Variants in ATAD1 observed in about 807,000 individuals in gnomAD.
ATAD1 encodes the protein outer mitochondrial transmembrane helix translocase.
In ATAD1, 18 loss-of-function variants were observed where a neutral mutation model predicts 42.7. The observed-to-expected ratio is 0.42, with a 90% CI of 0.29 to 0.63. The LOEUF (loss-of-function observed/expected upper bound fraction) is 0.63. ATAD1 is among the 20% of genes least tolerant of loss of function. The pLI is 0.19. For synonymous variants in ATAD1, 132 were observed against 143.1 expected, an observed-to-expected ratio of 0.92 and a Z score of 0.55; for missense variants, 294 against 440.4, an observed-to-expected ratio of 0.67 and a Z score of 2.98.
chr10:87,827,338 G>A (rs1417654708), intron 1 of ATAD1, among the ~76,000 whole-genome samples: 1 of 152,086 alleles, frequency 6.6e-6, no homozygotes, highest in African/African-American at 2.4e-5. Context: ...GCCTTTCTGG[G>A]TTTCCTCCTC....
chr10:87,781,107 G>T (rs931774052), intron 5 of ATAD1, among the ~76,000 whole-genome samples: 2 of 151,742 alleles, frequency 1.3e-5, no homozygotes, highest in Admixed American at 1.3e-4. Flanking sequence ...ATCTTCTTAG[G>T]CAAAAAAGAA....
chr10:87,828,964 G>C (rs1022131519), intron 1 of ATAD1, among the ~76,000 whole-genome samples: 3 of 152,142 alleles, frequency 2.0e-5, no homozygotes, highest in African/African-American at 7.2e-5. Context: ...AGAAATAAAT[G>C]ATTCATTTCA....
chr10:87,840,485 T>C (rs1214330380), intron 1 of ATAD1, among the ~76,000 whole-genome samples: 1 of 152,032 alleles, frequency 6.6e-6, no homozygotes, highest in Non-Finnish European at 1.5e-5. Flanking sequence ...ACCCTATCTC[T>C]GAAAAAGAAA....
intron 8 of ATAD1, among the ~76,000 whole-genome samples, chr10:87,765,765 C>T (rs1436337866): frequency 6.6e-6 from 1 of 152,160 alleles, no homozygotes; most frequent in African/African-American, 2.4e-5. Context: ...TGTGGTGGTT[C>T]ATGCCTATAA....
chr10:87,810,476 A>AT (rs1857128579), intron 2 of ATAD1, among the ~76,000 whole-genome samples: 1 of 151,946 alleles, frequency 6.6e-6, no homozygotes, highest in Non-Finnish European at 1.5e-5. Context: ...GGAGATGTCC[A>AT]TTTTTCCCTG....
chr10:87,810,656 A>C (rs1042141107), intron 2 of ATAD1, among the ~76,000 whole-genome samples: 4 of 152,090 alleles, frequency 2.6e-5, no homozygotes, highest in African/African-American at 9.7e-5. Context: ...TTTTCTTCTT[A>C]TATTTGTGTG....
chr10:87,802,405 C>T (rs1225341904), intron 2 of ATAD1, among the ~76,000 whole-genome samples: 1 of 152,156 alleles, frequency 6.6e-6, no homozygotes, highest in East Asian at 1.9e-4. Context: ...GAGGAATTCA[C>T]CCAATTCACA....
intron 4 of ATAD1, among the ~76,000 whole-genome samples, chr10:87,789,492 A>G (rs1262494825): frequency 6.6e-6 from 1 of 152,186 alleles, no homozygotes; most frequent in African/African-American, 2.4e-5. Flanking sequence ...AGGCCAACGC[A>G]GGTGAAGAAC....
At chr10:87,834,595 T>C (rs1857897080) in intron 1 of ATAD1, among the ~76,000 whole-genome samples, 1 of 152,198 alleles carries the variant, frequency 6.6e-6, no homozygotes, top group Non-Finnish European at 1.5e-5. Flanking sequence ...TCCTTATTTT[T>C]AGAATACCAT....
intron 7 of ATAD1, among the ~76,000 whole-genome samples, chr10:87,768,529 GAA>G (rs1487345020): frequency 6.6e-6 from 1 of 152,068 alleles, no homozygotes; most frequent in Non-Finnish European, 1.5e-5. Flanking sequence ...TTCACTTGGA[GAA>G]AAGTTTTAAG....
At chr10:87,793,960 G>C (rs1856253913) in intron 2 of ATAD1, among the ~76,000 whole-genome samples, 1 of 151,996 alleles carries the variant, frequency 6.6e-6, no homozygotes, top group Admixed American at 6.6e-5. Context: ...ATGGGGGCCA[G>C]GAATGGGGGC....
At chr10:87,801,807 T>C (rs933106730) in intron 2 of ATAD1, among the ~76,000 whole-genome samples, 8 of 152,174 alleles carry the variant, frequency 5.3e-5, no homozygotes, top group Non-Finnish European at 1.2e-4. Context: ...TGATTGGAGA[T>C]TGTGACATCA....
At chr10:87,783,910 A>T (rs2131882299) in intron 5 of ATAD1, among the ~76,000 whole-genome samples, 1 of 152,088 alleles carries the variant, frequency 6.6e-6, no homozygotes, top group East Asian at 1.9e-4. Context: ...GACTATAGCC[A>T]AATAATAAAC....
chr10:87,818,964 A>G (rs1857560659), upstream of ATAD1: 1 of 152,248 alleles, frequency 6.6e-6, no homozygotes, highest in Non-Finnish European at 1.5e-5. Flanking sequence ...CCTCCTGAAT[A>G]CACAAACTGC....
intron 3 of ATAD1, among the ~76,000 whole-genome samples, chr10:87,791,218 A>G (rs914576507): frequency 1.3e-5 from 2 of 151,312 alleles, no homozygotes; most frequent in Non-Finnish European, 1.5e-5. Flanking sequence ...AAAAAAAAAA[A>G]AAAATTACAA....
intron 1 of ATAD1, among the ~76,000 whole-genome samples, chr10:87,823,606 C>G (rs1423428666): frequency 1.3e-5 from 2 of 152,128 alleles, no homozygotes; most frequent in Non-Finnish European, 2.9e-5. Context: ...GATACAAATG[C>G]ATTAGTTAAA....
rs560194800 is a variant in ATAD1, at chr10:87,756,511, A to T, written c.965+278T>A. Among the ~76,000 whole-genome samples the T allele has an allele frequency of 7.1e-4, 108 of 152,302 alleles. 1 individual carries two copies. The highest frequency in any genetic ancestry group is 3.4e-3 in the Middle Eastern group (1 of 294). Reference sequence around the variant, plus strand: ...TCAATATCTCCAATTTACATGGGAAATTTCCCCTCACATTTACATGTGAAA... The same window carrying T: ...TCAATATCTCCAATTTACATGGGAATTTTCCCCTCACATTTACATGTGAAA... On this transcript the variant is annotated intron_variant, in intron 9 of 9. Coordinates refer to ENST00000680024, the MANE Select transcript of ATAD1 (RefSeq NM_001321967.2).
chr10:87,754,932 A>C, intron 9 of ATAD1, 125 bp from the exon 10 acceptor site: 1 of 1,167,794 alleles, frequency 8.6e-7, no homozygotes, highest in Non-Finnish European at 1.2e-6. Flanking sequence ...ACTGTAGAAA[A>C]GGGTATAAAA....
At chr10:87,756,945 C>A in intron 8 of ATAD1, 23 bp from the exon 9 acceptor site, 1 of 1,557,646 alleles carries the variant, frequency 6.4e-7, no homozygotes, top group Admixed American at 2.1e-5. Context: ...TAAAAACATG[C>A]TTAAAAAACA....
Sources: gnomAD v4.1 joint callset for allele counts (sites outside exome capture counted in the v4.1 genomes callset) on GRCh38, gnomAD v4.1.1 for gene constraint, MANE v1.5 for transcripts, NCBI Gene and HGNC (gene_info 2026-07-23, HGNC 2026-07-21) for gene names.